The following AUTS2 variants were observed in gnomAD, a reference collection of about 807,000 sequenced individuals.
The protein encoded by AUTS2 is activator of transcription and developmental regulator AUTS2.
A neutral mutation model predicts 112.4 loss-of-function variants in AUTS2; 17 were observed. The ratio of observed to expected loss-of-function variants is 0.15; its 90% confidence interval spans 0.10 to 0.23. AUTS2 has a LOEUF of 0.23. AUTS2 is among the 10% of genes least tolerant of loss of function. AUTS2 has a pLI of 1.00. For missense variants in AUTS2, 1,510 were observed against 1,701.6 expected (o/e 0.89, Z 1.98); for synonymous variants, 751 against 702.7 (o/e 1.07, Z -1.09).
At chr7:69,627,742 A>G (rs1313437463) in intron 1 of AUTS2, among the ~76,000 whole-genome samples, 1 of 152,092 alleles carries the variant, frequency 6.6e-6, no homozygotes, top group Non-Finnish European at 1.5e-5. Flanking sequence ...TAGAAGCCCC[A>G]TTACTTGGGT....
At chr7:70,278,615 A>ATACG (rs1429946195) in intron 4 of AUTS2, among the ~76,000 whole-genome samples, 2 of 132,922 alleles carry the variant, frequency 1.5e-5, no homozygotes, top group Non-Finnish European at 3.2e-5. Context: ...ACATACATAC[A>ATACG]TACATACATA....
At position 70,315,943 on chromosome 7, in the gene AUTS2, AGTT is replaced by A. The variant is rs1286282493; in HGVS notation, c.661-119805_661-119803del. On this transcript the variant is annotated intron_variant, in intron 4 of 18. Transcript: ENST00000342771. ...CATATATTATTTAGTTGCCTTCTCA[AGTT>A]GTTCTCCTTTGTACTTTCCAATCCC... Among the ~76,000 whole-genome samples, 6 of 152,284 alleles carry A rather than the reference AGTT, an allele frequency of 3.9e-5. No individual in the cohort carries two copies. In the East Asian group the frequency reaches 1.2e-3, roughly 29 times the overall value.
At chr7:69,983,108 T>G (rs1798363084) in intron 2 of AUTS2, among the ~76,000 whole-genome samples, 1 of 152,244 alleles carries the variant, frequency 6.6e-6, no homozygotes, top group Admixed American at 6.5e-5. Context: ...AGGTTGTCTT[T>G]TCTTTGTTAG....
At chr7:70,463,454 G>GA (rs1398993730) in intron 5 of AUTS2, among the ~76,000 whole-genome samples, 4 of 152,188 alleles carry the variant, frequency 2.6e-5, no homozygotes, top group Non-Finnish European at 5.9e-5. Flanking sequence ...GCAAGAAGTG[G>GA]ACTTTGTCCA....
At chr7:70,425,975 C>G (rs1795420807) in intron 4 of AUTS2, among the ~76,000 whole-genome samples, 1 of 152,098 alleles carries the variant, frequency 6.6e-6, no homozygotes, top group South Asian at 2.1e-4. Flanking sequence ...AATTAACGTT[C>G]TTAGCAACAC....
rs186799972 is a variant in AUTS2 at position 70,633,249 on chromosome 7, T to C, written c.691-65320T>C. On this transcript the variant is annotated intron_variant, in intron 5 of 18. Transcript: ENST00000342771. ...CTCTGGGAAGAGACTGCTGGAGGAT[T>C]CTCCACAGCACAGCTCACTCACCCA... Among the ~76,000 whole-genome samples, 712 of 152,194 alleles carry C rather than the reference T, an allele frequency of 4.7e-3. 13 individuals carry two copies. Among genetic ancestry groups the C allele is most frequent in the Non-Finnish European group, 5.7e-3 (391 of 68,014 alleles).
At chr7:70,599,530 C>T (rs1394954191) in intron 5 of AUTS2, among the ~76,000 whole-genome samples, 1 of 152,154 alleles carries the variant, frequency 6.6e-6, no homozygotes, top group Non-Finnish European at 1.5e-5. Flanking sequence ...AGGTCCATCC[C>T]TGGATTTATA....
chr7:70,750,919 G>A (rs532176420), intron 6 of AUTS2, among the ~76,000 whole-genome samples: 1 of 152,074 alleles, frequency 6.6e-6, no homozygotes, highest in African/African-American at 2.4e-5. Flanking sequence ...AAAGTCATAA[G>A]TGTTGAAACT....
At position 70,791,347 on chromosome 7, in the gene AUTS2, A is replaced by G. The variant is rs1791949746; in HGVS notation, c.*351A>G. 1 of 196,654 alleles carries G rather than the reference A, an allele frequency of 5.1e-6. No individual in the cohort carries two copies. 12.2% of individuals were successfully genotyped at this position (196,654 alleles called of 1,614,324 possible). On this transcript the variant is annotated 3_prime_UTR_variant, in exon 19 of 19. Coordinates refer to ENST00000342771, the MANE Select transcript of AUTS2 (RefSeq NM_015570.4). ...AGAAGTCCACGCCATCCATCATGCAAAATTCTTTCAGATGAGGTGGGAAGG... is the reference window on the plus strand; with the variant it reads ...AGAAGTCCACGCCATCCATCATGCAGAATTCTTTCAGATGAGGTGGGAAGG...
chr7:70,328,772 A>G (rs1311542397), intron 4 of AUTS2, among the ~76,000 whole-genome samples: 1 of 152,254 alleles, frequency 6.6e-6, no homozygotes, highest in East Asian at 1.9e-4. Flanking sequence ...TTTCTTTTAA[A>G]AAAATCGTTT....
At chr7:69,828,938 T>C (rs1304916723) in intron 1 of AUTS2, among the ~76,000 whole-genome samples, 4 of 152,128 alleles carry the variant, frequency 2.6e-5, no homozygotes, top group Non-Finnish European at 5.9e-5. Context: ...TATTGGAAAG[T>C]GGCAAATAAA....
At chr7:70,275,683 T>A (rs1787895477) in intron 4 of AUTS2, among the ~76,000 whole-genome samples, 2 of 152,168 alleles carry the variant, frequency 1.3e-5, no homozygotes, top group African/African-American at 4.8e-5. Flanking sequence ...GAGAATTGAA[T>A]CATGGGGGCA....
chr7:70,746,929 C>T (rs1304768801), intron 6 of AUTS2, among the ~76,000 whole-genome samples: 2 of 152,086 alleles, frequency 1.3e-5, no homozygotes, highest in Non-Finnish European at 2.9e-5. Flanking sequence ...TTTTAAATAG[C>T]GTCACATAAG....
At chr7:70,661,582 G>A (rs1361972485) in intron 5 of AUTS2, among the ~76,000 whole-genome samples, 1 of 152,198 alleles carries the variant, frequency 6.6e-6, no homozygotes, top group Non-Finnish European at 1.5e-5. Flanking sequence ...GGGAATAATA[G>A]TGTCTTCCCT....
chr7:70,078,488 G>A (rs541992647), intron 2 of AUTS2, among the ~76,000 whole-genome samples: 3 of 152,284 alleles, frequency 2.0e-5, no homozygotes, highest in African/African-American at 7.2e-5. Flanking sequence ...CTGTACTTCT[G>A]TTTCATCCTA....
intron 4 of AUTS2, among the ~76,000 whole-genome samples, chr7:70,363,635 T>C (rs1329068983): frequency 1.3e-5 from 2 of 152,122 alleles, no homozygotes; most frequent in Admixed American, 6.5e-5. Context: ...ACTCAACGGG[T>C]ATTTATATAA....
chr7:70,046,497 G>A (rs555827821), intron 2 of AUTS2, among the ~76,000 whole-genome samples: 3 of 152,162 alleles, frequency 2.0e-5, no homozygotes, highest in Admixed American at 6.5e-5. Flanking sequence ...TAGATTATTC[G>A]AACCTGGACT....
intron 4 of AUTS2, among the ~76,000 whole-genome samples, chr7:70,256,078 T>C (rs748172901): frequency 6.6e-6 from 1 of 152,198 alleles, no homozygotes; most frequent in Non-Finnish European, 1.5e-5. Context: ...AGGACGCTAA[T>C]GATGTGGTCT....
intron 4 of AUTS2, among the ~76,000 whole-genome samples, chr7:70,381,227 G>A (rs982883598): frequency 6.6e-6 from 1 of 152,178 alleles, no homozygotes; most frequent in Non-Finnish European, 1.5e-5. Context: ...AGATAAAGAA[G>A]AGGGATAATG....
Sources: gnomAD v4.1 joint callset for allele counts (sites outside exome capture counted in the v4.1 genomes callset) on GRCh38, gnomAD v4.1.1 for gene constraint, MANE v1.5 for transcripts, NCBI Gene and HGNC (gene_info 2026-07-23, HGNC 2026-07-21) for gene names.